The following LPP variants were observed in gnomAD, a reference collection of about 807,000 sequenced individuals.
LPP encodes LIM domain containing preferred translocation partner in lipoma, also known as lipoma-preferred partner.
LPP carries 38 observed loss-of-function variants against 60.4 expected under a neutral mutation model. The ratio of observed to expected loss-of-function variants is 0.63; its 90% CI spans 0.49 to 0.83. LPP has a LOEUF of 0.83. Among genes scored for constraint, LPP ranks in the 40% least tolerant of loss-of-function variants. The pLI, the probability that LPP is intolerant of heterozygous loss-of-function variation, is 0.00. For missense variants in LPP, 902 were observed against 783.6 expected (o/e 1.15, Z -1.80); for synonymous variants, 328 against 290.8 (o/e 1.13, Z -1.30).
intron 5 of LPP, among the ~76,000 whole-genome samples, chr3:188,495,211 A>AT (rs1197163997): frequency 4.2e-4 from 59 of 139,238 alleles, no homozygotes; most frequent in African/African-American, 1.3e-3. Flanking sequence ...ATATATATAT[A>AT]TTTTTTTTTG....
chr3:188,599,751 G>GGTGTGTGTGTGTGTGTGT lies in LPP; in HGVS notation c.430-9388_430-9371dup, dbSNP rs71169011. On this transcript the variant is annotated intron_variant, in intron 6 of 11. Transcript: ENST00000617246. ...CAAAAACTATCGGGGACTCGTTAGGGGTGTGTGTGTGTGTGTGTGTGTGTG... is the reference window on the plus strand; with the variant it reads ...CAAAAACTATCGGGGACTCGTTAGGGGTGTGTGTGTGTGTGTGTGTGTGTGTGTGTGTGTGTGTGTGTG... 7.3e-3 allele frequency among the ~76,000 whole-genome samples: 1,017 copies of GGTGTGTGTGTGTGTGTGT among 139,864 alleles called. 10 individuals are homozygous for GGTGTGTGTGTGTGTGTGT. The highest frequency in any genetic ancestry group is 0.024 in the African/African-American group (903 of 37,266). The allele number at this position is 139,864 out of a possible 152,430, so 91.8% of individuals were successfully genotyped here.
At chr3:188,328,728 AG>A (rs1759145065) in intron 2 of LPP, among the ~76,000 whole-genome samples, 1 of 152,216 alleles carries the variant, frequency 6.6e-6, no homozygotes, top group East Asian at 1.9e-4. Context: ...GATCTTCAGC[AG>A]GTGTTTCATG....
chr3:188,388,689 T>TA (rs746860428), intron 3 of LPP, among the ~76,000 whole-genome samples: 3 of 152,236 alleles, frequency 2.0e-5, no homozygotes, highest in Non-Finnish European at 4.4e-5. Context: ...TAAACCCTGA[T>TA]ATAAATTAGT....
chr3:188,547,937 G>A (rs1317952803), intron 6 of LPP, among the ~76,000 whole-genome samples: 2 of 152,156 alleles, frequency 1.3e-5, no homozygotes, highest in South Asian at 2.1e-4. Flanking sequence ...TTCATGTCTA[G>A]TGTTGTGAAA....
Position 188,609,566 on chromosome 3 carries a change from C to T in LPP, c.835C>T (p.Pro279Ser), listed in dbSNP as rs561275788. The T allele has an allele frequency of 8.1e-6, 13 of 1,614,172 alleles. No homozygotes were observed. The South Asian group carries it at 9.9e-5, about 12-fold the overall frequency. The change falls in exon 7 of 12, where the codon CCA becomes TCA. Residue 279 changes from proline (P) to serine (S), a missense_variant. By Grantham distance (74) the Pro-to-Ser change is moderately conservative. Transcript: ENST00000617246. This position sits in a 1 kb window ranked among gnomAD's most constrained non-coding sequence, Gnocchi z 6.9. ...GGMDYAYIPP[P>S]GLQPEPGYGY... is the part of the protein sequence containing the mutation. ...CATGGATTATGCCTACATTCCACCA[C>T]CAGGACTTCAGCCGGAGCCTGGGTA...
intron 4 of LPP, among the ~76,000 whole-genome samples, chr3:188,466,832 T>TAG (rs1364239512): frequency 1.9e-4 from 25 of 130,312 alleles, no homozygotes; most frequent in Non-Finnish European, 2.8e-4. Flanking sequence ...TATATATATA[T>TAG]ATATATATAT....
chr3:188,234,058 C>A (rs769328424), intron 2 of LPP, among the ~76,000 whole-genome samples: 2 of 152,158 alleles, frequency 1.3e-5, no homozygotes, highest in Non-Finnish European at 2.9e-5. Context: ...AAATGCACAT[C>A]TTCCTTTAAG....
intron 4 of LPP, among the ~76,000 whole-genome samples, chr3:188,439,505 A>G (rs1207979770): frequency 3.9e-5 from 6 of 152,148 alleles, no homozygotes; most frequent in Admixed American, 3.3e-4. Flanking sequence ...AGTCTCACTC[A>G]AGAGAAATCC....
chr3:188,326,426 C>CT (rs1758445522), intron 2 of LPP, among the ~76,000 whole-genome samples: 2 of 152,200 alleles, frequency 1.3e-5, no homozygotes, highest in African/African-American at 4.8e-5. Flanking sequence ...GACAAGTACA[C>CT]TGAGTTCAAT....
chr3:188,260,523 T>A (rs1215953691), intron 2 of LPP, among the ~76,000 whole-genome samples: 2 of 152,088 alleles, frequency 1.3e-5, no homozygotes, highest in African/African-American at 4.8e-5. Context: ...CCATTGTCAC[T>A]GATAGAAATT....
chr3:188,645,243 T>C (rs1020482221), intron 7 of LPP, among the ~76,000 whole-genome samples: 6 of 151,954 alleles, frequency 3.9e-5, no homozygotes, highest in Admixed American at 2.0e-4. Context: ...TTCTCAGTTC[T>C]AGAACTTTTT....
At chr3:188,700,065 A>T (rs912202930) in intron 7 of LPP, among the ~76,000 whole-genome samples, 15 of 152,168 alleles carry the variant, frequency 9.9e-5, no homozygotes, top group Admixed American at 2.6e-4. Context: ...TCAAGAACAC[A>T]TAATTGAAGT....
At chr3:188,822,106 G>A (rs545038942) in intron 9 of LPP, among the ~76,000 whole-genome samples, 8 of 152,108 alleles carry the variant, frequency 5.3e-5, no homozygotes, top group Non-Finnish European at 8.8e-5. Flanking sequence ...GGTTTCAGAA[G>A]CATGGGACCT....
intron 5 of LPP, among the ~76,000 whole-genome samples, chr3:188,510,646 C>A (rs1815179306): frequency 6.6e-6 from 1 of 152,184 alleles, no homozygotes; most frequent in Admixed American, 6.5e-5. Context: ...TCCTTATATG[C>A]CTTGGTTTGC....
chr3:188,869,583 A>C (rs1767552522), intron 10 of LPP, among the ~76,000 whole-genome samples: 1 of 152,138 alleles, frequency 6.6e-6, no homozygotes, highest in African/African-American at 2.4e-5. Flanking sequence ...GAGCCACTGC[A>C]CCCAGCCTTA....
chr3:188,821,936 GATTT>G (rs1454902057), intron 9 of LPP, among the ~76,000 whole-genome samples: 4 of 151,978 alleles, frequency 2.6e-5, no homozygotes. Context: ...ATGATCTATT[GATTT>G]ATTTCTATGT....
In LPP at chr3:188,370,776, G is replaced by A. The variant is rs116666986; in HGVS notation, c.-10+29057G>A. ...GTCGCTGTGGCATGAATCTGGACAAGTCTTTCTATAGGGGAAACCTGTTTC... is the reference window on the plus strand; with the variant it reads ...GTCGCTGTGGCATGAATCTGGACAAATCTTTCTATAGGGGAAACCTGTTTC... On this transcript the variant is annotated intron_variant, in intron 3 of 11. Transcript: ENST00000617246. 3.8e-3 allele frequency among the ~76,000 whole-genome samples: 580 copies of A among 152,204 alleles called. 4 individuals carry two copies. Among genetic ancestry groups the A allele is most frequent in the African/African-American group, 0.013 (551 of 41,520 alleles).
At chr3:188,240,374 T>A (rs564498506) in intron 2 of LPP, among the ~76,000 whole-genome samples, 85 of 136,380 alleles carry the variant, frequency 6.2e-4, no homozygotes, top group African/African-American at 9.7e-4. Context: ...TGTGTGTGTG[T>A]GTGAGAGAGA....
chr3:188,798,564 C>T (rs533473578), intron 9 of LPP, among the ~76,000 whole-genome samples: 4 of 152,320 alleles, frequency 2.6e-5, no homozygotes, highest in African/African-American at 4.8e-5. Context: ...TAACTGTGTT[C>T]ATCCTGGTGG....
Sources: gnomAD v4.1 joint callset for allele counts (sites outside exome capture counted in the v4.1 genomes callset) on GRCh38, gnomAD v4.1.1 for gene constraint, Gnocchi (gnomAD v3.1) non-coding constraint, MANE v1.5 for transcripts, NCBI Gene and HGNC (gene_info 2026-07-23, HGNC 2026-07-21) for gene names.